The following UBAC1 variants were observed in gnomAD, a reference collection of about 807,000 sequenced individuals.
The protein encoded by UBAC1 is ubiquitin-associated domain-containing protein 1.
Under a neutral mutation model 45.9 loss-of-function variants are expected in UBAC1, and 27 were observed. The observed-to-expected ratio is 0.59, with a 90% CI of 0.43 to 0.81. The LOEUF is 0.81. Ranked by LOEUF, UBAC1 falls within the 30% of genes least tolerant of loss-of-function variation. The pLI is 0.00. For missense variants in UBAC1, 529 were observed against 539.2 expected (o/e 0.98, Z 0.19); for synonymous variants, 227 against 215.5 (o/e 1.05, Z -0.47).
chr9:135,945,880 C>G lies in UBAC1; in HGVS notation c.653+9G>C. On this transcript the variant is annotated intron_variant, in intron 6 of 9. Transcript: ENST00000371756. ...CTCCGGCAAGGGAAGGAGGTGGCCC[C>G]CCACGCACTGGTTCAGCTGAAGGGC... is the stretch of plus-strand genomic sequence containing the variant. The G allele has an allele frequency of 2.5e-6, 4 of 1,613,160 alleles. No homozygotes were observed. The highest frequency in any genetic ancestry group is 3.4e-6 in the Non-Finnish European group (4 of 1,179,366).
intron 6 of UBAC1, 149 bp downstream of exon 6, chr9:135,945,740 G>A (rs920307948): frequency 1.6e-6 from 1 of 623,530 alleles, no homozygotes; most frequent in Admixed American, 2.9e-5. Context: ...CACTTTGGAG[G>A]CACATATTTA....
intron 7 of UBAC1, among the ~76,000 whole-genome samples, chr9:135,943,868 G>A (rs966869167): frequency 6.6e-6 from 1 of 152,114 alleles, no homozygotes; most frequent in Non-Finnish European, 1.5e-5. Context: ...ACTAACACAG[G>A]AACAAAAAAC....
At chr9:135,956,777 G>A (rs10858187) in intron 1 of UBAC1, among the ~76,000 whole-genome samples, 79,034 of 152,166 alleles carry the variant, frequency 0.52, 20,599 homozygotes, top group Admixed American at 0.55. Context: ...GAGCTTGGAC[G>A]GAGAGAAGGC....
Position 135,933,518 on chromosome 9 carries a change from G to A in UBAC1, c.1103-3C>T, listed in dbSNP as rs1839170099. The A allele has an allele frequency of 6.2e-7, 1 of 1,612,472 alleles. No individual in the cohort carries two copies. Among genetic ancestry groups the A allele is most frequent in the African/African-American group, 1.3e-5 (1 of 74,882 alleles). On this transcript the variant is annotated splice_region_variant and splice_polypyrimidine_tract_variant and intron_variant, in intron 9 of 9. Transcript: ENST00000371756. ...GTTCTCCAGCATGTCTTCAAATGCT[G>A]CAGGGAAAACAGAGCCAGCCTGAGT...
chr9:135,952,107 G>A (rs1839412890), intron 3 of UBAC1, among the ~76,000 whole-genome samples: 1 of 152,262 alleles, frequency 6.6e-6, no homozygotes, highest in Non-Finnish European at 1.5e-5. Context: ...GGCGGAGGCA[G>A]GCCCAGATCT....
intron 3 of UBAC1, among the ~76,000 whole-genome samples, chr9:135,948,463 C>A (rs1351096869): frequency 2.0e-5 from 3 of 152,392 alleles, no homozygotes; most frequent in African/African-American, 4.8e-5. Flanking sequence ...ACCATTCCAG[C>A]CTCCTAGAAC....
intron 6 of UBAC1, 34 bp downstream of exon 6, chr9:135,945,855 C>T: frequency 6.3e-7 from 1 of 1,592,144 alleles, no homozygotes; most frequent in Non-Finnish European, 8.6e-7. Flanking sequence ...CCCCAGGTGT[C>T]TCCGGCAAGG....
intron 9 of UBAC1, 59 bp downstream of exon 9, chr9:135,938,161 CCT>C: frequency 6.3e-7 from 1 of 1,588,450 alleles, no homozygotes; most frequent in Non-Finnish European, 8.6e-7. Flanking sequence ...ACCTATTTGT[CCT>C]GCAAGGGAAC....
intron 5 of UBAC1, 111 bp downstream of exon 5, chr9:135,946,158 G>T: frequency 9.6e-7 from 1 of 1,037,116 alleles, no homozygotes; most frequent in Non-Finnish European, 1.5e-6. Flanking sequence ...CCTCATCAGC[G>T]CTTCCATAAA....
chr9:135,934,090 G>A (rs567777010), intron 9 of UBAC1, among the ~76,000 whole-genome samples: 2 of 152,228 alleles, frequency 1.3e-5, no homozygotes, highest in Non-Finnish European at 2.9e-5. Flanking sequence ...TCCACCCACT[G>A]TGAAGGAGCA....
At chr9:135,938,702 T>G (rs1839229214) in intron 8 of UBAC1, among the ~76,000 whole-genome samples, 1 of 152,212 alleles carries the variant, frequency 6.6e-6, no homozygotes, top group Admixed American at 6.5e-5. Context: ...AGTGCCCAGC[T>G]TGCCTGTGGT....
At chr9:135,939,210 T>TA (rs71384034) in intron 8 of UBAC1, among the ~76,000 whole-genome samples, 29,528 of 136,336 alleles carry the variant, frequency 0.22, 3,377 homozygotes, top group Non-Finnish European at 0.29. Flanking sequence ...CCAAAAAAAT[T>TA]AAAAAAAAAA....
At chr9:135,948,295 G>A (rs1286776095) in intron 3 of UBAC1, among the ~76,000 whole-genome samples, 1 of 152,040 alleles carries the variant, frequency 6.6e-6, no homozygotes, top group Non-Finnish European at 1.5e-5. Context: ...AGCTCCTGAA[G>A]GGCAGTCATG....
At chr9:135,955,145 A>G in intron 2 of UBAC1, 150 bp downstream of exon 2, 1 of 841,614 alleles carries the variant, frequency 1.2e-6, no homozygotes, top group Non-Finnish European at 1.7e-6. Context: ...TTAATAAAGG[A>G]AAAACAGAAT....
intron 1 of UBAC1, among the ~76,000 whole-genome samples, chr9:135,955,954 G>A (rs1041681287): frequency 2.0e-5 from 3 of 152,220 alleles, no homozygotes; most frequent in African/African-American, 7.2e-5. Flanking sequence ...TCCCGAGATT[G>A]GGATAAGAGG....
At chr9:135,941,840 G>C (rs1839273212) in intron 7 of UBAC1, among the ~76,000 whole-genome samples, 1 of 152,236 alleles carries the variant, frequency 6.6e-6, no homozygotes, top group Non-Finnish European at 1.5e-5. Context: ...ATCTGTTTTG[G>C]CCTCAAGTCA....
At position 135,946,376 on chromosome 9, in the gene UBAC1, G is replaced by GTTGTA; in HGVS notation, c.442-6_442-5insTACAA. The GTTGTA allele has an allele frequency of 6.3e-7, 1 of 1,598,598 alleles. No individual in the cohort carries two copies. The highest frequency in any genetic ancestry group is 8.6e-7 in the Non-Finnish European group (1 of 1,166,588). Reference sequence around the variant, plus strand: ...CTTCCGGAGTTCTGTCTGGAACTGTGGTGAAAAAAAAGGAGATCAATTCTC... The same window carrying GTTGTA: ...CTTCCGGAGTTCTGTCTGGAACTGTGTTGTAGTGAAAAAAAAGGAGATCAATTCTC... On this transcript the variant is annotated splice_region_variant and splice_polypyrimidine_tract_variant and intron_variant, in intron 4 of 9. Transcript: ENST00000371756.
chr9:135,946,146 G>C (rs1451273575), intron 5 of UBAC1, 123 bp downstream of exon 5: 3 of 1,009,174 alleles, frequency 3.0e-6, no homozygotes, highest in Non-Finnish European at 4.6e-6. Context: ...CAGGCCCCAG[G>C]CCCTCATCAG....
At chr9:135,936,908 G>C (rs964412092) in intron 9 of UBAC1, among the ~76,000 whole-genome samples, 1 of 152,192 alleles carries the variant, frequency 6.6e-6, no homozygotes, top group Admixed American at 6.5e-5. Context: ...ACTGAACAAC[G>C]GCATCTGCAA....
Sources: allele counts gnomAD v4.1 joint callset (sites outside exome capture counted in the v4.1 genomes callset), GRCh38; gene constraint gnomAD v4.1.1; transcripts MANE v1.5; gene names NCBI Gene and HGNC (gene_info 2026-07-23, HGNC 2026-07-21).